Variants in PTBP2 observed in about 807,000 individuals in gnomAD.
PTBP2 encodes polypyrimidine tract-binding protein 2.
PTBP2 carries 13 observed loss-of-function variants against 61.4 expected under a neutral mutation model. The observed-to-expected ratio is 0.21, with a 90% confidence interval of 0.14 to 0.34. PTBP2 has a LOEUF of 0.34. PTBP2 is among the 10% of genes least tolerant of loss of function. PTBP2 has a pLI of 1.00. For missense variants in PTBP2, 405 were observed against 642.6 expected, an observed-to-expected ratio of 0.63 and a Z score of 4.00; for synonymous variants, 215 against 218.5, an observed-to-expected ratio of 0.98 and a Z score of 0.14.
At chr1:96,778,384 G>A (rs1024187750) in intron 7 of PTBP2, among the ~76,000 whole-genome samples, 1 of 101,582 alleles carries the variant, frequency 9.8e-6, no homozygotes, top group Non-Finnish European at 2.0e-5. Context: ...TCTCTTTAAT[G>A]TCTTTTTTTT....
At chr1:96,723,542 A>C (rs1444264766) in intron 1 of PTBP2, 22 bp from the exon 2 acceptor site, 1 of 1,567,474 alleles carries the variant, frequency 6.4e-7, no homozygotes, top group African/African-American at 1.3e-5. Flanking sequence ...GGAGGTTGAA[A>C]CTACTTATTT....
intron 8 of PTBP2, 32 bp from the exon 9 acceptor site, chr1:96,804,768 C>A: frequency 1.3e-6 from 2 of 1,579,932 alleles, no homozygotes; most frequent in Non-Finnish European, 1.7e-6. Context: ...GTAAAATATG[C>A]TTTATTTTAA....
intron 2 of PTBP2, among the ~76,000 whole-genome samples, chr1:96,745,603 C>T (rs115312848): frequency 6.6e-6 from 1 of 151,772 alleles, no homozygotes; most frequent in Non-Finnish European, 1.5e-5. Flanking sequence ...AAACGGTATG[C>T]CTATATAATG....
In PTBP2 at chr1:96,813,741, A is replaced by G. The variant is rs1262420535; in HGVS notation, c.*336A>G. ...AGGAAAACTAGTGTTGCTATTGTGC[A>G]TTTACTAGAAAAAAGGAATTGGTTG... On this transcript the variant is annotated 3_prime_UTR_variant, in exon 14 of 14. Transcript: ENST00000674951. 6.4e-6 allele frequency: 1 copy of G among 156,638 alleles called. No individual in the cohort carries two copies. The highest frequency in any genetic ancestry group is 1.3e-5 in the Non-Finnish European group (1 of 78,316). The allele number at this position is 156,638 out of a possible 1,614,324, so 9.7% of individuals were successfully genotyped here.
chr1:96,804,949 A>G lies in PTBP2; in HGVS notation c.1044+10A>G, dbSNP rs374246897. ...CAATTTAAATGAAGAGGTTAGTAAAATAATCTCTAATGTTTATTCTTTAAC... is the reference window on the plus strand; with the variant it reads ...CAATTTAAATGAAGAGGTTAGTAAAGTAATCTCTAATGTTTATTCTTTAAC... On this transcript the variant is annotated intron_variant, in intron 9 of 13. Transcript: ENST00000674951. 2 of 1,561,882 alleles carry G rather than the reference A, an allele frequency of 1.3e-6. No homozygotes were observed. The highest frequency in any genetic ancestry group is 1.7e-6 in the Non-Finnish European group (2 of 1,150,844).
intron 3 of PTBP2, among the ~76,000 whole-genome samples, 200 bp downstream of exon 3, chr1:96,751,700 G>A (rs1010154677): frequency 6.7e-6 from 1 of 148,872 alleles, no homozygotes; most frequent in South Asian, 2.1e-4. Context: ...TGGTGAACAA[G>A]TTACTCTTAA....
exon 14 of PTBP2, chr1:96,820,617 C>G (rs935462145): frequency 1.8e-4 from 27 of 151,172 alleles, no homozygotes; most frequent in African/African-American, 6.6e-4. Context: ...TAATAACTTC[C>G]TATCCAATTT....
chr1:96,791,844 T>TTGTTTTTTTTTTTTTTTTTG, intron 8 of PTBP2, among the ~76,000 whole-genome samples: 1 of 139,838 alleles, frequency 7.2e-6, no homozygotes, highest in Non-Finnish European at 1.6e-5. Context: ...TTTTTTTTTT[T>TTGTTTTTTTTTTTTTTTTTG]TTTTTGAGAT....
chr1:96,736,013 G>A (rs1652114957), intron 2 of PTBP2, among the ~76,000 whole-genome samples: 1 of 152,166 alleles, frequency 6.6e-6, no homozygotes, highest in Admixed American at 6.5e-5. Context: ...GTCCTAATAT[G>A]CTTCATCAGC....
intron 8 of PTBP2, among the ~76,000 whole-genome samples, chr1:96,793,759 C>T (rs558101514): frequency 6.6e-6 from 1 of 152,210 alleles, no homozygotes; most frequent in African/African-American, 2.4e-5. Context: ...GCTTATTCAA[C>T]TCTTAATTCC....
rs375724475 is a variant in PTBP2, at chr1:96,721,851, T to C, written c.-14T>C. ...GGCTCGGTTCTTGTGAGCGAAGCTT[T>C]GTCCGGTTCGGCAATGGACGGGTAT... On this transcript the variant is annotated 5_prime_UTR_variant, in exon 1 of 14. Transcript: ENST00000674951. The C allele has an allele frequency of 2.0e-5, 32 of 1,568,294 alleles. No individual in the cohort carries two copies. In the Middle Eastern group the frequency reaches 8.3e-4, roughly 41 times the overall value.
intron 2 of PTBP2, among the ~76,000 whole-genome samples, chr1:96,744,173 G>A (rs559946283): frequency 1.3e-5 from 2 of 152,186 alleles, no homozygotes; most frequent in East Asian, 3.9e-4. Flanking sequence ...GCAGCGAGCC[G>A]AGATTGCGCC....
intron 8 of PTBP2, among the ~76,000 whole-genome samples, chr1:96,795,511 C>G (rs996211362): frequency 4.3e-4 from 66 of 152,126 alleles, no homozygotes; most frequent in African/African-American, 1.5e-3. Context: ...CAAGATTTCC[C>G]AGGTATAAGA....
At chr1:96,788,650 A>G (rs1659461866) in intron 8 of PTBP2, among the ~76,000 whole-genome samples, 1 of 152,044 alleles carries the variant, frequency 6.6e-6, no homozygotes, top group Admixed American at 6.5e-5. Context: ...AATTTTTAAG[A>G]ACACAAATAT....
intron 8 of PTBP2, among the ~76,000 whole-genome samples, chr1:96,792,720 C>G (rs201117817): frequency 1.3e-5 from 2 of 151,560 alleles, no homozygotes; most frequent in African/African-American, 4.9e-5. Flanking sequence ...GGGTACAAAA[C>G]GGGTAGATAT....
At chr1:96,753,635 C>G (rs1654832232) in intron 3 of PTBP2, among the ~76,000 whole-genome samples, 1 of 151,708 alleles carries the variant, frequency 6.6e-6, no homozygotes, top group South Asian at 2.1e-4. Context: ...CCAAAATGAC[C>G]TAGAGTTAGA....
rs190895445 is a variant in PTBP2, at chr1:96,733,199, C to G, written c.39+9605C>G. Among the ~76,000 whole-genome samples, 32 of 147,390 alleles carry G rather than the reference C, an allele frequency of 2.2e-4. No individual in the cohort carries two copies. The East Asian group carries it at 5.8e-3, about 27-fold the overall frequency. On this transcript the variant is annotated intron_variant, in intron 2 of 13. Transcript: ENST00000674951. Reference sequence around the variant, plus strand: ...CTTGACATAACTCGGCTGTTAGCTTCATCTTCAAAGAAGGAATGGCAAAGA... The same window carrying G: ...CTTGACATAACTCGGCTGTTAGCTTGATCTTCAAAGAAGGAATGGCAAAGA...
At chr1:96,736,621 G>A (rs943231195) in intron 2 of PTBP2, among the ~76,000 whole-genome samples, 1 of 152,178 alleles carries the variant, frequency 6.6e-6, no homozygotes, top group Non-Finnish European at 1.5e-5. Flanking sequence ...TACATGTACA[G>A]CGGATAATAT....
At chr1:96,811,592 T>C (rs555342176) in intron 11 of PTBP2, among the ~76,000 whole-genome samples, 2 of 152,226 alleles carry the variant, frequency 1.3e-5, no homozygotes, top group East Asian at 3.9e-4. Flanking sequence ...AATTTTTGTA[T>C]TTTTAGTAGA....
Sources: gnomAD v4.1 joint callset for allele counts (sites outside exome capture counted in the v4.1 genomes callset) on GRCh38, gnomAD v4.1.1 for gene constraint, MANE v1.5 for transcripts, NCBI Gene and HGNC (gene_info 2026-07-23, HGNC 2026-07-21) for gene names.